DOK6: variants seen among roughly 807,000 people sequenced by gnomAD.
DOK6 encodes the protein docking protein 6, also known as downstream of tyrosine kinase 6.
In DOK6, 22 loss-of-function variants were observed where a neutral mutation model predicts 44.0. The ratio of observed to expected loss-of-function variants is 0.50; its 90% confidence interval spans 0.36 to 0.71. DOK6 has a LOEUF of 0.71. DOK6 is among the 30% of genes least tolerant of loss of function. DOK6 has a pLI of 0.00. For missense variants in DOK6, 340 were observed against 416.4 expected (o/e 0.82, Z 1.60); for synonymous variants, 166 against 145.5 (o/e 1.14, Z -1.01).
At chr18:69,442,722 G>A (rs1979171236) in intron 1 of DOK6, among the ~76,000 whole-genome samples, 1 of 145,498 alleles carries the variant, frequency 6.9e-6, no homozygotes, top group Non-Finnish European at 1.5e-5. Flanking sequence ...CTTTACACAT[G>A]TTGCTTATTG....
At chr18:69,810,522 G>T (rs979219342) in intron 7 of DOK6, among the ~76,000 whole-genome samples, 12 of 151,952 alleles carry the variant, frequency 7.9e-5, no homozygotes, top group African/African-American at 2.7e-4. Context: ...TCAACAGTGT[G>T]GAGAGACAAC....
In DOK6 at chr18:69,526,186, T is replaced by C. The variant is rs1044759923; in HGVS notation, c.67-38301T>C. On this transcript the variant is annotated intron_variant, in intron 1 of 7. Transcript: ENST00000382713. ...CATCACTACAATCAATCTTAGAACA[T>C]TTTCATCACCATAAAAAGAAATCCC... 2.6e-5 allele frequency among the ~76,000 whole-genome samples: 4 copies of C among 152,188 alleles called. No individual in the cohort carries two copies. In the East Asian group the frequency reaches 7.7e-4, roughly 29 times the overall value.
At chr18:69,638,185 GC>G (rs1984854163) in intron 3 of DOK6, among the ~76,000 whole-genome samples, 1 of 152,212 alleles carries the variant, frequency 6.6e-6, no homozygotes, top group South Asian at 2.1e-4. Flanking sequence ...TTGTTGTAGT[GC>G]GGAAGCAGTG....
At chr18:69,618,778 A>G (rs1984371685) in intron 3 of DOK6, 1 of 152,208 alleles carries the variant, frequency 6.6e-6, no homozygotes, top group African/African-American at 2.4e-5. Flanking sequence ...GAATTATGGG[A>G]GCTACAATTC....
At chr18:69,766,821 G>A (rs778261745) in intron 7 of DOK6, among the ~76,000 whole-genome samples, 1 of 152,078 alleles carries the variant, frequency 6.6e-6, no homozygotes, top group African/African-American at 2.4e-5. Context: ...CTTTTTTCTG[G>A]CAGAGGCAGA....
chr18:69,494,561 G>C (rs1326880322), intron 1 of DOK6, among the ~76,000 whole-genome samples: 1 of 152,122 alleles, frequency 6.6e-6, no homozygotes, highest in Non-Finnish European at 1.5e-5. Context: ...GCACAAGGGA[G>C]AATAGGGCAT....
At chr18:69,592,319 A>G (rs1983641303) in intron 2 of DOK6, among the ~76,000 whole-genome samples, 1 of 151,686 alleles carries the variant, frequency 6.6e-6, no homozygotes, top group African/African-American at 2.4e-5. Context: ...TAAAATAAAG[A>G]TCTTTCTTCC....
intron 7 of DOK6, among the ~76,000 whole-genome samples, chr18:69,798,199 G>A (rs974204437): frequency 7.2e-5 from 11 of 152,056 alleles, no homozygotes. Flanking sequence ...AATGGGTCTA[G>A]GGATGCACAC....
At chr18:69,463,073 G>A (rs1357648540) in intron 1 of DOK6, among the ~76,000 whole-genome samples, 2 of 152,182 alleles carry the variant, frequency 1.3e-5, no homozygotes, top group Non-Finnish European at 2.9e-5. Flanking sequence ...CAACAGAAAT[G>A]TGTTTCTCAT....
chr18:69,749,324 G>A (rs988316838), intron 6 of DOK6, among the ~76,000 whole-genome samples: 14 of 152,156 alleles, frequency 9.2e-5, no homozygotes, highest in African/African-American at 3.4e-4. Flanking sequence ...TTAAAAAAAT[G>A]AAGGAACATA....
Position 69,433,743 on chromosome 18 carries a change from A to T in DOK6, c.66+32433A>T, listed in dbSNP as rs565372864. Among the ~76,000 whole-genome samples, 7 of 152,310 alleles carry T rather than the reference A, an allele frequency of 4.6e-5. No individual in the cohort carries two copies. The South Asian group carries it at 1.5e-3, about 32-fold the overall frequency. ...ACCTGGATATAAGTAGTTTGGAAAG[A>T]AATGTAGACTGTTTCCTCTGAGAAA... On this transcript the variant is annotated intron_variant, in intron 1 of 7. Transcript: ENST00000382713.
chr18:69,821,545 A>C (rs1181771864), intron 7 of DOK6, among the ~76,000 whole-genome samples: 1 of 152,160 alleles, frequency 6.6e-6, no homozygotes. Flanking sequence ...GTGGTATAGC[A>C]GTAGTCTCGT....
At position 69,841,496 on chromosome 18, in the gene DOK6, C is replaced by A; in HGVS notation, c.*113C>A. 1 of 1,435,278 alleles carries A rather than the reference C, an allele frequency of 7.0e-7. No homozygotes were observed. The highest frequency in any genetic ancestry group is 1.4e-5 in the South Asian group (1 of 70,986). The allele number at this position is 1,435,278 out of a possible 1,614,324, so 88.9% of individuals were successfully genotyped here. Reference sequence around the variant, plus strand: ...TGCAGTACAAATTGAAATGGGTCGGCTCTAGCCCCAGTCCCATTGGAAGGT... The same window carrying A: ...TGCAGTACAAATTGAAATGGGTCGGATCTAGCCCCAGTCCCATTGGAAGGT... On this transcript the variant is annotated 3_prime_UTR_variant, in exon 8 of 8. Transcript: ENST00000382713.
intron 6 of DOK6, among the ~76,000 whole-genome samples, chr18:69,742,498 C>A (rs373017283): frequency 2.2e-4 from 33 of 150,742 alleles, no homozygotes; most frequent in African/African-American, 8.0e-4. Flanking sequence ...AGTAACTGGA[C>A]AAAAGAACCA....
At chr18:69,822,229 A>G (rs1411110046) in intron 7 of DOK6, among the ~76,000 whole-genome samples, 1 of 152,146 alleles carries the variant, frequency 6.6e-6, no homozygotes, top group African/African-American at 2.4e-5. Context: ...TAGCGTGGGA[A>G]TTGTTAAATA....
At chr18:69,765,430 T>C (rs1979687284) in intron 7 of DOK6, among the ~76,000 whole-genome samples, 1 of 152,186 alleles carries the variant, frequency 6.6e-6, no homozygotes, top group South Asian at 2.1e-4. Flanking sequence ...TGGATGTCAA[T>C]TTTTAGAGAT....
intron 3 of DOK6, among the ~76,000 whole-genome samples, chr18:69,616,913 G>A (rs1048458357): frequency 2.6e-5 from 4 of 152,198 alleles, no homozygotes; most frequent in Admixed American, 2.0e-4. Flanking sequence ...TGTTGAATGA[G>A]GACTTAAAAA....
At chr18:69,533,477 A>T (rs1365351925) in intron 1 of DOK6, among the ~76,000 whole-genome samples, 1 of 152,194 alleles carries the variant, frequency 6.6e-6, no homozygotes, top group Non-Finnish European at 1.5e-5. Context: ...ACTGAAAAAT[A>T]CAAACATGAA....
At chr18:69,436,836 T>C (rs1236989199) in intron 1 of DOK6, among the ~76,000 whole-genome samples, 1 of 152,226 alleles carries the variant, frequency 6.6e-6, no homozygotes, top group Non-Finnish European at 1.5e-5. Context: ...TTCCTGACTT[T>C]TTAATTATCA....
Sources: gnomAD v4.1 joint callset for allele counts (sites outside exome capture counted in the v4.1 genomes callset) on GRCh38, gnomAD v4.1.1 for gene constraint, MANE v1.5 for transcripts, NCBI Gene and HGNC (gene_info 2026-07-23, HGNC 2026-07-21) for gene names.